The following AFM variants were observed in gnomAD, a reference collection of about 807,000 sequenced individuals.
AFM encodes the protein afamin.
In AFM, 82 loss-of-function variants were observed where a neutral mutation model predicts 68.7. The ratio of observed to expected loss-of-function variants is 1.19; its 90% CI spans 1.00 to 1.43. The LOEUF (loss-of-function observed/expected upper bound fraction) is 1.43, where lower values mean the gene tolerates loss of function less well. AFM is among the 40% of genes most tolerant of loss of function. The pLI, the probability that AFM is intolerant of heterozygous loss-of-function variation, is 0.00. For synonymous variants in AFM, 250 were observed against 234.2 expected (o/e 1.07, Z -0.61); for missense variants, 772 against 701.8 (o/e 1.10, Z -1.13).
chr4:73,498,460 A>G (rs925308460), intron 10 of AFM, among the ~76,000 whole-genome samples: 7 of 152,034 alleles, frequency 4.6e-5, no homozygotes, highest in Middle Eastern at 3.4e-3. Flanking sequence ...TGATGTTTGT[A>G]TTTTTTGGTA....
At position 73,500,013 on chromosome 4, in the gene AFM, G is replaced by A. The variant is rs368469780; in HGVS notation, c.1432G>A (p.Val478Ile). The stretch of plus-strand genomic sequence containing the variant: ...ACTCTTGTTGGTACAGGCAGATTTA[G>A]TTTTTGGAGAGTTATGTGGAGTAAA... The part of the protein sequence containing the change: ...FACVDNLADL[V>I]FGELCGVNEN... Residue 478 changes from valine to isoleucine, a missense_variant, in exon 12 of 15, where the codon GTT becomes ATT. By Grantham distance (29) the Val-to-Ile change is conservative. Transcript: ENST00000226355. 1.1e-5 allele frequency: 17 copies of A among 1,613,704 alleles called. No individual in the cohort carries two copies. Among genetic ancestry groups the A allele is most frequent in the East Asian group, 2.2e-5 (1 of 44,872 alleles).
Position 73,485,901 on chromosome 4 carries a change from C to T in AFM, c.310C>T (p.Leu104=), listed in dbSNP as rs999481666. The change falls in exon 4 of 15, where the codon CTG becomes TTG. Residue 104 remains leucine (L), a synonymous_variant. Coordinates refer to ENST00000226355, the MANE Select transcript of AFM (RefSeq NM_001133.2). ...GGAAAAAATATGTGCTATGGAGGGGCTGCCACAAAAGCATAATTTCTCACA... is the reference window on the plus strand; with the variant it reads ...GGAAAAAATATGTGCTATGGAGGGGTTGCCACAAAAGCATAATTTCTCACA... ...LQEKICAMEG[L]PQKHNFSHCC... is the part of the protein sequence containing the mutation. 1 of 1,613,904 alleles carries T rather than the reference C, an allele frequency of 6.2e-7. No individual in the cohort carries two copies. The highest frequency in any genetic ancestry group is 1.3e-5 in the African/African-American group (1 of 74,892).
rs1721438659 is a variant in AFM, at chr4:73,502,113, C to T, written c.1779+194C>T. The stretch of plus-strand genomic sequence containing the variant: ...CAGTGTCTCCTTAGTACAGAAAAAG[C>T]TGTCGGAAGACCTGGGTTGTAACCC... On this transcript the variant is annotated intron_variant, in intron 13 of 14. Transcript: ENST00000226355. 5.9e-5 allele frequency among the ~76,000 whole-genome samples: 9 copies of T among 152,168 alleles called. No homozygotes were observed. The South Asian group carries it at 1.9e-3, about 32-fold the overall frequency.
At position 73,501,698 on chromosome 4, in the gene AFM, A is replaced by G; in HGVS notation, c.1647-89A>G. The G allele has an allele frequency of 4.2e-6, 6 of 1,425,158 alleles. No individual in the cohort carries two copies. The South Asian group carries it at 8.1e-5, about 19-fold the overall frequency. 88.3% of individuals were successfully genotyped at this position (1,425,158 alleles called of 1,614,324 possible). A position where few individuals can be genotyped will look rare whatever the true frequency, so the allele number is the denominator to read the frequency against. ...TTTACCCACACCCAAGCTGAGACTCAAGACGTGATTCTGTAACAAGCATTT... is the reference window on the plus strand; with the variant it reads ...TTTACCCACACCCAAGCTGAGACTCGAGACGTGATTCTGTAACAAGCATTT... On this transcript the variant is annotated intron_variant, in intron 12 of 14. Coordinates refer to ENST00000226355, the MANE Select transcript of AFM (RefSeq NM_001133.2).
intron 3 of AFM, 82 bp downstream of exon 3, chr4:73,484,472 T>C: frequency 1.8e-6 from 1 of 570,394 alleles, no homozygotes; most frequent in South Asian, 4.0e-5. Context: ...CTTTCTTTCT[T>C]TCTTTCTTTC....
At chr4:73,484,455 TTTC>T (rs1720816148) in intron 3 of AFM, 65 bp downstream of exon 3, 7 of 424,986 alleles carry the variant, frequency 1.6e-5, no homozygotes, top group Admixed American at 4.8e-5. Flanking sequence ...TCTTTCTTTC[TTTC>T]TTTCTTTCTT....
chr4:73,500,374 A>G (rs1221805403), intron 12 of AFM, 147 bp downstream of exon 12: 1 of 703,320 alleles, frequency 1.4e-6, no homozygotes, highest in Non-Finnish European at 2.3e-6. Context: ...ATATGGAAAA[A>G]TACAAGTGCA....
At chr4:73,485,639 G>A (rs1189431488) in intron 3 of AFM, among the ~76,000 whole-genome samples, 3 of 140,244 alleles carry the variant, frequency 2.1e-5, no homozygotes, top group African/African-American at 7.9e-5. Flanking sequence ...AAAAGAAGAG[G>A]AAGAAGAAGA....
At chr4:73,500,308 T>C (rs1721393869) in intron 12 of AFM, 81 bp downstream of exon 12, 5 of 1,219,828 alleles carry the variant, frequency 4.1e-6, no homozygotes, top group South Asian at 1.4e-5. Context: ...ATCTAGTGGA[T>C]ATGTCTTTTT....
intron 4 of AFM, 68 bp downstream of exon 4, chr4:73,486,141 C>T (rs1720896717): frequency 3.1e-6 from 4 of 1,274,740 alleles, no homozygotes; most frequent in Non-Finnish European, 3.3e-6. Context: ...TAATATCTAT[C>T]TCAAATAAAT....
At chr4:73,486,840 C>G in intron 4 of AFM, 127 bp from the exon 5 acceptor site, 1 of 960,858 alleles carries the variant, frequency 1.0e-6, no homozygotes, top group East Asian at 2.5e-5. Flanking sequence ...CTTCTTGTCT[C>G]TTTCTATTTT....
chr4:73,484,710 T>G (rs1267150793), intron 3 of AFM, among the ~76,000 whole-genome samples: 2 of 151,946 alleles, frequency 1.3e-5, no homozygotes, highest in East Asian at 3.9e-4. Context: ...AATTTTTTTG[T>G]ATTTTTAGTA....
At chr4:73,482,806 C>A (rs1032852754) in intron 1 of AFM, among the ~76,000 whole-genome samples, 1 of 152,098 alleles carries the variant, frequency 6.6e-6, no homozygotes, top group Non-Finnish European at 1.5e-5. Flanking sequence ...TTCTTTCTAC[C>A]TTTTTCTATT....
At chr4:73,502,840 C>T (rs112349401) in intron 13 of AFM, among the ~76,000 whole-genome samples, 3 of 152,134 alleles carry the variant, frequency 2.0e-5, no homozygotes, top group African/African-American at 7.2e-5. Context: ...TACATTAGGG[C>T]CATGTGAAGG....
intron 12 of AFM, among the ~76,000 whole-genome samples, chr4:73,501,046 TA>T (rs1721409969): frequency 6.6e-6 from 1 of 152,178 alleles, no homozygotes; most frequent in Non-Finnish European, 1.5e-5. Flanking sequence ...AAAATTTTAT[TA>T]CTTAAAATAA....
At position 73,488,290 on chromosome 4, in the gene AFM, A is replaced by G. The variant is rs1160468072; in HGVS notation, c.714-340A>G. 2.0e-5 allele frequency among the ~76,000 whole-genome samples: 3 copies of G among 152,228 alleles called. No homozygotes were observed. The East Asian group carries it at 5.8e-4, about 29-fold the overall frequency. ...GATTTCAGGTAGATCAGCAGGAAAG[A>G]GTTCTATCATGAATTATCTATGCCT... On this transcript the variant is annotated intron_variant, in intron 6 of 14. Transcript: ENST00000226355.
In AFM at chr4:73,491,338, G is replaced by A. The variant is rs575239228; in HGVS notation, c.844-534G>A. ...TAGAAAATGATATCCATTAGAAAAT[G>A]ATACCATGAGTGGAATAGCTTCTTA... On this transcript the variant is annotated intron_variant, in intron 7 of 14. Coordinates refer to ENST00000226355, the MANE Select transcript of AFM (RefSeq NM_001133.2). Among the ~76,000 whole-genome samples, 26 of 152,298 alleles carry A rather than the reference G, an allele frequency of 1.7e-4. No homozygotes were observed. In the East Asian group the frequency reaches 3.5e-3, roughly 20 times the overall value.
chr4:73,495,717 C>T (rs769780249), intron 9 of AFM, among the ~76,000 whole-genome samples: 19 of 152,110 alleles, frequency 1.2e-4, no homozygotes, highest in East Asian at 3.9e-4. Flanking sequence ...TTTATTAAGC[C>T]GTATTGGATA....
intron 7 of AFM, among the ~76,000 whole-genome samples, chr4:73,489,495 T>C (rs1335878274): frequency 6.6e-6 from 1 of 152,206 alleles, no homozygotes; most frequent in Non-Finnish European, 1.5e-5. Flanking sequence ...ATACTTATTT[T>C]TTTGTGGTGA....
Sources: allele counts gnomAD v4.1 joint callset (sites outside exome capture counted in the v4.1 genomes callset), GRCh38; gene constraint gnomAD v4.1.1; transcripts MANE v1.5; gene names NCBI Gene and HGNC (gene_info 2026-07-23, HGNC 2026-07-21).